SRP72: variants seen among roughly 807,000 people sequenced by gnomAD.
SRP72 encodes the protein signal recognition particle subunit SRP72.
A neutral mutation model predicts 96.3 loss-of-function variants in SRP72; 49 were observed. The observed-to-expected ratio is 0.51, with a 90% CI of 0.40 to 0.65. SRP72 has a LOEUF of 0.65. SRP72 is among the 30% of genes least tolerant of loss of function. The probability of loss-of-function intolerance (pLI) is 0.00; values close to 1 mark genes in which losing one functional copy is unlikely to be tolerated. For synonymous variants in SRP72, 267 were observed against 275.2 expected (o/e 0.97, Z 0.30); for missense variants, 736 against 793.3 (o/e 0.93, Z 0.87).
intron 17 of SRP72, among the ~76,000 whole-genome samples, chr4:56,498,015 C>T (rs1211749704): frequency 2.6e-5 from 4 of 152,086 alleles, no homozygotes; most frequent in African/African-American, 7.2e-5. Flanking sequence ...TAGTGATCAG[C>T]AAGAATTCTT....
Position 56,502,887 on chromosome 4 carries a change from T to C in SRP72, c.*1026T>C, listed in dbSNP as rs190128045. The C allele has an allele frequency of 1.5e-3, 223 of 152,308 alleles. No homozygotes were observed. Among genetic ancestry groups the C allele is most frequent in the African/African-American group, 4.1e-3 (170 of 41,566 alleles). The allele number at this position is 152,308 out of a possible 1,614,324, so 9.4% of individuals were successfully genotyped here. On this transcript the variant is annotated 3_prime_UTR_variant, in exon 19 of 19. Coordinates refer to ENST00000642900, the MANE Select transcript of SRP72 (RefSeq NM_006947.4). ...GTAATGAAGTATTTTACAGTCAATT[T>C]GTGGTGTAAATGTTGCTCTTGTCTT...
At chr4:56,472,502 C>A (rs911676440) in intron 3 of SRP72, among the ~76,000 whole-genome samples, 4 of 151,868 alleles carry the variant, frequency 2.6e-5, no homozygotes, top group Non-Finnish European at 5.9e-5. Context: ...TGTGCCAACT[C>A]GTGCAGCTAA....
rs745899769 is a variant in SRP72, at chr4:56,474,315, G to A, written c.534G>A (p.Leu178=). 9 of 1,614,044 alleles carry A rather than the reference G, an allele frequency of 5.6e-6. 1 individual carries two copies. In the South Asian group the frequency reaches 8.8e-5, roughly 16 times the overall value. ...NLGLQEGTHE[L]CYNTACALIG... ...GCCTCCAAGAAGGCACACATGAGCTGTGCTACAACACTGCATGTGCACTGA... is the reference window on the plus strand; with the variant it reads ...GCCTCCAAGAAGGCACACATGAGCTATGCTACAACACTGCATGTGCACTGA... Residue 178 remains leucine (L), a synonymous_variant, in exon 5 of 19, where the codon CTG becomes CTA. Transcript: ENST00000642900.
At chr4:56,478,798 T>G in intron 8 of SRP72, 149 bp downstream of exon 8, 1 of 705,412 alleles carries the variant, frequency 1.4e-6, no homozygotes, top group Non-Finnish European at 2.4e-6. Context: ...TAGTATTACT[T>G]AACTCTCCTA....
At chr4:56,471,217 A>G (rs1334039878) in intron 2 of SRP72, among the ~76,000 whole-genome samples, 1 of 152,268 alleles carries the variant, frequency 6.6e-6, no homozygotes, top group African/African-American at 2.4e-5. Context: ...ACATTAATGT[A>G]GATGAATTTT....
intron 6 of SRP72, among the ~76,000 whole-genome samples, chr4:56,478,173 T>A (rs1560678400): frequency 1.3e-5 from 2 of 151,592 alleles, no homozygotes; most frequent in African/African-American, 4.8e-5. Context: ...TTTTTTTTCT[T>A]TAGATACTTC....
chr4:56,474,429 G>A (rs368415083), intron 5 of SRP72, 38 bp downstream of exon 5: 1 of 1,539,066 alleles, frequency 6.5e-7, no homozygotes, highest in East Asian at 2.3e-5. Flanking sequence ...AATATAACGT[G>A]CATATAACTT....
chr4:56,486,258 T>G, intron 10 of SRP72, 67 bp from the exon 11 acceptor site: 1 of 1,137,886 alleles, frequency 8.8e-7, no homozygotes, highest in Non-Finnish European at 1.3e-6. Flanking sequence ...AGCTAAGTAA[T>G]TGTAATGTAT....
At chr4:56,479,328 C>T (rs1272176968) in intron 8 of SRP72, among the ~76,000 whole-genome samples, 2 of 151,582 alleles carry the variant, frequency 1.3e-5, no homozygotes, top group Non-Finnish European at 2.9e-5. Context: ...TACAGGCACC[C>T]GCCACCATGC....
intron 8 of SRP72, among the ~76,000 whole-genome samples, chr4:56,482,101 CAT>C (rs1158813070): frequency 6.8e-6 from 1 of 147,964 alleles, no homozygotes; most frequent in Non-Finnish European, 1.5e-5. Context: ...GTGTCCATTT[CAT>C]ATCTCTGTAT....
At chr4:56,472,184 A>G (rs1720003125) in intron 3 of SRP72, among the ~76,000 whole-genome samples, 1 of 152,174 alleles carries the variant, frequency 6.6e-6, no homozygotes, top group Non-Finnish European at 1.5e-5. Context: ...TACTCTAAGG[A>G]TGTCATGATA....
intron 5 of SRP72, among the ~76,000 whole-genome samples, chr4:56,474,716 G>A (rs1436725849): frequency 6.6e-6 from 1 of 151,922 alleles, no homozygotes; most frequent in African/African-American, 2.4e-5. Flanking sequence ...GCTAATTTTT[G>A]TATGTTTAGT....
chr4:56,495,455 A>G lies in SRP72; in HGVS notation c.1678+61A>G, dbSNP rs909577240. The G allele has an allele frequency of 1.5e-5, 18 of 1,167,494 alleles. No homozygotes were observed. In the South Asian group the frequency reaches 2.7e-4, roughly 18 times the overall value. The allele number at this position is 1,167,494 out of a possible 1,614,324, so 72.3% of individuals were successfully genotyped here. On this transcript the variant is annotated intron_variant, in intron 17 of 18. Transcript: ENST00000642900. ...AAAATAAATGTTTGATTTTAGCCCT[A>G]TATAGAAATATTTGGACATAAATAT...
At chr4:56,475,652 C>G (rs1291222342) in intron 5 of SRP72, 4 of 152,044 alleles carry the variant, frequency 2.6e-5, no homozygotes, top group African/African-American at 9.7e-5. Context: ...CAAGTGTGAG[C>G]CACTGCACCT....
intron 15 of SRP72, 97 bp downstream of exon 15, chr4:56,490,742 G>A (rs945969356): frequency 1.1e-4 from 107 of 1,006,204 alleles, no homozygotes; most frequent in Admixed American, 4.3e-4. Flanking sequence ...ATTGTAAACT[G>A]CAACTAACAA....
At chr4:56,497,781 C>G (rs888004565) in intron 17 of SRP72, among the ~76,000 whole-genome samples, 1 of 152,044 alleles carries the variant, frequency 6.6e-6, no homozygotes, top group African/African-American at 2.4e-5. Context: ...GATTAAATTG[C>G]TTTCCACAAA....
intron 16 of SRP72, among the ~76,000 whole-genome samples, chr4:56,493,659 G>A (rs1461628589): frequency 6.6e-6 from 1 of 152,050 alleles, no homozygotes; most frequent in African/African-American, 2.4e-5. Flanking sequence ...GAGGTCAGGA[G>A]TTCGAAACCA....
At chr4:56,473,453 A>C (rs991942733) in intron 3 of SRP72, among the ~76,000 whole-genome samples, 1 of 142,912 alleles carries the variant, frequency 7.0e-6, no homozygotes, top group African/African-American at 2.5e-5. Flanking sequence ...GCGAGACTCC[A>C]TCTCAAAAAA....
At chr4:56,474,536 C>A (rs1720130305) in intron 5 of SRP72, 145 bp downstream of exon 5, 2 of 737,088 alleles carry the variant, frequency 2.7e-6, no homozygotes, top group African/African-American at 1.8e-5. Flanking sequence ...TGTCGTCTTT[C>A]TCTCTCTTTT....
Sources: gnomAD v4.1 joint callset for allele counts (sites outside exome capture counted in the v4.1 genomes callset) on GRCh38, gnomAD v4.1.1 for gene constraint, MANE v1.5 for transcripts, NCBI Gene and HGNC (gene_info 2026-07-23, HGNC 2026-07-21) for gene names.